The following MIXL1 variants were observed in gnomAD, a reference collection of about 807,000 sequenced individuals.
MIXL1 encodes the protein Mix paired-like homeobox, also known as homeobox protein MIXL1.
A neutral mutation model predicts 9.3 loss-of-function variants in MIXL1; 9 were observed. That is an observed-to-expected ratio of 0.97 (90% CI 0.58 to 1.69). MIXL1 has a LOEUF of 1.69. MIXL1 is among the 40% of genes most tolerant of loss of function. The pLI is 0.00. For missense variants in MIXL1, 330 were observed against 331.7 expected (o/e 0.99, Z 0.04); for synonymous variants, 164 against 155.6 (o/e 1.05, Z -0.40).
chr1:226,224,207 GA>G, intron 1 of MIXL1, 133 bp downstream of exon 1: 1 of 824,418 alleles, frequency 1.2e-6, no homozygotes, highest in Non-Finnish European at 1.6e-6. Context: ...CTGCGTACTA[GA>G]CTGAAATAGG....
In MIXL1 at chr1:226,226,255, C is replaced by T. The variant is rs948192552; in HGVS notation, c.*443C>T. ...AGTCACTCTACCCCGTCTCTTCAAC[C>T]CTCATCCTAGGTTTATTACTTTTTA... On this transcript the variant is annotated 3_prime_UTR_variant, in exon 2 of 2. Transcript: ENST00000366810. 6.4e-6 allele frequency: 1 copy of T among 157,158 alleles called. No individual in the cohort carries two copies. Among genetic ancestry groups the T allele is most frequent in the African/African-American group, 2.4e-5 (1 of 41,462 alleles). The allele number at this position is 157,158 out of a possible 1,614,324, so 9.7% of individuals were successfully genotyped here.
Position 226,224,041 on chromosome 1 carries a change from C to T in MIXL1, c.360C>T (p.Ala120=), listed in dbSNP as rs763437724. The change falls in exon 1 of 2, where the codon GCC becomes GCT. Residue 120 remains alanine (A), a synonymous_variant. Transcript: ENST00000366810. Reference sequence around the variant, plus strand: ...ACATCCACTTGCGCGAGCGCCTGGCCGCGCTCACCCTGCTCCCCGAGTCCA... The same window carrying T: ...ACATCCACTTGCGCGAGCGCCTGGCTGCGCTCACCCTGCTCCCCGAGTCCA... ...YPDIHLRERL[A]ALTLLPESRI... is the part of the protein sequence containing the mutation. 4 of 1,393,710 alleles carry T rather than the reference C, an allele frequency of 2.9e-6. No homozygotes were observed. The highest frequency in any genetic ancestry group is 2.8e-5 in the East Asian group (1 of 36,338). The allele number at this position is 1,393,710 out of a possible 1,614,324, so 86.3% of individuals were successfully genotyped here.
intron 1 of MIXL1, among the ~76,000 whole-genome samples, chr1:226,224,975 G>C (rs1394451453): frequency 3.3e-5 from 5 of 152,182 alleles, no homozygotes; most frequent in Non-Finnish European, 7.3e-5. Flanking sequence ...CTTAGAGTTG[G>C]TAAGGAGAAG....
At position 226,225,764 on chromosome 1, in the gene MIXL1, G is replaced by T. The variant is rs533426298; in HGVS notation, c.651G>T (p.Lys217Asn). 1 of 1,614,168 alleles carries T rather than the reference G, an allele frequency of 6.2e-7. No homozygotes were observed. The highest frequency in any genetic ancestry group is 1.3e-5 in the African/African-American group (1 of 75,048). ...CSPLSEDIGS[K>N]LDSWEEHIFS... ...CTCTCTCTGAAGACATTGGTTCAAAGCTGGACTCATGGGAGGAACACATCT... is the reference window on the plus strand; with the variant it reads ...CTCTCTCTGAAGACATTGGTTCAAATCTGGACTCATGGGAGGAACACATCT... Residue 217 changes from lysine (K) to asparagine (N), a missense_variant, in exon 2 of 2, where the codon AAG becomes AAT. Lys to Asn is a moderately conservative substitution (Grantham distance 94). Coordinates refer to ENST00000366810, the MANE Select transcript of MIXL1 (RefSeq NM_031944.3).
intron 1 of MIXL1, among the ~76,000 whole-genome samples, chr1:226,224,563 A>G (rs1438624661): frequency 6.6e-6 from 1 of 152,222 alleles, no homozygotes; most frequent in Non-Finnish European, 1.5e-5. Flanking sequence ...GGATGTAGCG[A>G]ATTGAGATAA....
chr1:226,223,773 C>G lies in MIXL1; in HGVS notation c.92C>G (p.Pro31Arg). The change falls in exon 1 of 2, where the codon CCG (proline) becomes CGG (arginine). Residue 31 changes from proline (P) to arginine (R), a missense_variant. Pro to Arg is a moderately radical substitution (Grantham distance 103, BLOSUM62 -2). Coordinates refer to ENST00000366810, the MANE Select transcript of MIXL1 (RefSeq NM_031944.3). The part of the protein sequence containing the change: ...RAPHAGGALL[P>R]PPSPAAALLP... ...CCCCACGCCGGCGGGGCGCTCCTGC[C>G]GCCCCCGAGCCCTGCGGCAGCCCTG... 7.2e-7 allele frequency: 1 copy of G among 1,397,470 alleles called. No homozygotes were observed. The highest frequency in any genetic ancestry group is 9.3e-7 in the Non-Finnish European group (1 of 1,078,274). 86.6% of individuals were successfully genotyped at this position (1,397,470 alleles called of 1,614,324 possible).
rs1167213809 is a variant in MIXL1 at position 226,224,071 on chromosome 1, C to G, written c.390C>G (p.Ile130Met). The change falls in exon 1 of 2, where the codon ATC (isoleucine) becomes ATG (methionine). Residue 130 changes from isoleucine (I) to methionine (M), a missense_variant. By Grantham distance (10) the Ile-to-Met change is conservative. Coordinates refer to ENST00000366810, the MANE Select transcript of MIXL1 (RefSeq NM_031944.3). ...AALTLLPESR[I>M]QVWFQNRRAK... ...TCACCCTGCTCCCCGAGTCCAGGAT[C>G]CAGGTGAGGGCCCGCTGCGTTCGCA... 1 of 1,337,270 alleles carries G rather than the reference C, an allele frequency of 7.5e-7. No homozygotes were observed. Among genetic ancestry groups the G allele is most frequent in the Non-Finnish European group, 9.7e-7 (1 of 1,034,682 alleles). 82.8% of individuals were successfully genotyped at this position (1,337,270 alleles called of 1,614,324 possible).
At position 226,225,641 on chromosome 1, in the gene MIXL1, T is replaced by C. The variant is rs773764115; in HGVS notation, c.528T>C (p.Pro176=). The C allele has an allele frequency of 2.5e-6, 4 of 1,614,182 alleles. No individual in the cohort carries two copies. In the South Asian group the frequency reaches 4.4e-5, roughly 18 times the overall value. ...TETKCLKPQL[P]LEVDVNCLPE... ...CGAAATGTCTGAAGCCCCAGCTGCC[T>C]CTTGAGGTAGATGTGAACTGCCTGC... is the stretch of plus-strand genomic sequence containing the variant. The change falls in exon 2 of 2, where the codon CCT becomes CCC. Residue 176 remains proline, a synonymous_variant. Transcript: ENST00000366810.
chr1:226,224,727 C>T (rs1250490990), intron 1 of MIXL1, among the ~76,000 whole-genome samples: 2 of 152,170 alleles, frequency 1.3e-5, no homozygotes, highest in African/African-American at 2.4e-5. Flanking sequence ...GCAACCTCCG[C>T]CTCCCAGGTT....
At position 226,223,899 on chromosome 1, in the gene MIXL1, C is replaced by T; in HGVS notation, c.218C>T (p.Pro73Leu). Reference protein sequence around the residue: ...APPPPASLGSPAPPKGAAAPS... With the variant: ...APPPPASLGSLAPPKGAAAPS... The stretch of plus-strand genomic sequence containing the variant: ...CCGCCCCCCGCCAGCCTGGGCTCGC[C>T]TGCGCCCCCCAAAGGCGCGGCCGCC... The change falls in exon 1 of 2, where the codon CCT (proline) becomes CTT (leucine). Residue 73 changes from proline to leucine, a missense_variant. Coordinates refer to ENST00000366810, the MANE Select transcript of MIXL1 (RefSeq NM_031944.3). 2 of 1,283,168 alleles carry T rather than the reference C, an allele frequency of 1.6e-6. No individual in the cohort carries two copies. Among genetic ancestry groups the T allele is most frequent in the Non-Finnish European group, 2.0e-6 (2 of 1,011,114 alleles). The allele number at this position is 1,283,168 out of a possible 1,614,324, so 79.5% of individuals were successfully genotyped here.
chr1:226,226,095 G>A lies in MIXL1; in HGVS notation c.*283G>A. ...CTGCATCCCTATGCCTTCTTGCCAG[G>A]CCTGTTTTTAGTTTTTGGACTGGTT... On this transcript the variant is annotated 3_prime_UTR_variant, in exon 2 of 2. Coordinates refer to ENST00000366810, the MANE Select transcript of MIXL1 (RefSeq NM_031944.3). The A allele has an allele frequency of 3.3e-6, 1 of 299,434 alleles. No individual in the cohort carries two copies. The highest frequency in any genetic ancestry group is 6.7e-5 in the East Asian group (1 of 14,980). 18.5% of individuals were successfully genotyped at this position (299,434 alleles called of 1,614,324 possible). A position where few individuals can be genotyped will look rare whatever the true frequency, so the allele number is the denominator to read the frequency against.
rs1657148041 is a variant in MIXL1 at position 226,225,814 on chromosome 1, G to C, written c.*2G>C. 2 of 1,604,246 alleles carry C rather than the reference G, an allele frequency of 1.2e-6. No homozygotes were observed. The highest frequency in any genetic ancestry group is 2.7e-5 in the African/African-American group (2 of 74,704). On this transcript the variant is annotated 3_prime_UTR_variant, in exon 2 of 2. Transcript: ENST00000366810. ...TTTTCTGCCTTTGGTAACTTTTGAG[G>C]ATTCTGGGAGAATTCGGGATAAGCT...
chr1:226,225,012 C>T (rs751684860), intron 1 of MIXL1, among the ~76,000 whole-genome samples: 5 of 152,136 alleles, frequency 3.3e-5, no homozygotes, highest in Non-Finnish European at 7.3e-5. Flanking sequence ...TCTGTAGCCC[C>T]GTGGTCGGTG....
In MIXL1 at chr1:226,226,109, T is replaced by C; in HGVS notation, c.*297T>C. Reference sequence around the variant, plus strand: ...CTTCTTGCCAGGCCTGTTTTTAGTTTTTGGACTGGTTGTTCAGAACTCATT... The same window carrying C: ...CTTCTTGCCAGGCCTGTTTTTAGTTCTTGGACTGGTTGTTCAGAACTCATT... On this transcript the variant is annotated 3_prime_UTR_variant, in exon 2 of 2. Coordinates refer to ENST00000366810, the MANE Select transcript of MIXL1 (RefSeq NM_031944.3). 3.6e-6 allele frequency: 1 copy of C among 278,108 alleles called. No individual in the cohort carries two copies. The allele number at this position is 278,108 out of a possible 1,614,324, so 17.2% of individuals were successfully genotyped here.
Position 226,225,802 on chromosome 1 carries a change from G to T in MIXL1, c.689G>T (p.Gly230Val), listed in dbSNP as rs778441612. ...GAGGAACACATCTTTTCTGCCTTTG[G>T]TAACTTTTGAGGATTCTGGGAGAAT... ...SWEEHIFSAF[G>V]NF The change falls in exon 2 of 2, where the codon GGT (glycine) becomes GTT (valine). Residue 230 changes from glycine to valine, a missense_variant. Coordinates refer to ENST00000366810, the MANE Select transcript of MIXL1 (RefSeq NM_031944.3). 6.2e-7 allele frequency: 1 copy of T among 1,610,260 alleles called. No homozygotes were observed. The highest frequency in any genetic ancestry group is 8.5e-7 in the Non-Finnish European group (1 of 1,177,546).
intron 1 of MIXL1, among the ~76,000 whole-genome samples, chr1:226,224,403 T>A (rs1233029554): frequency 9.2e-5 from 14 of 152,156 alleles, no homozygotes; most frequent in African/African-American, 3.4e-4. Flanking sequence ...TTTTTCTTTA[T>A]CCGGGAAGAA....
In MIXL1 at chr1:226,224,079, G is replaced by T; in HGVS notation, c.393+5G>T. 1 of 1,311,226 alleles carries T rather than the reference G, an allele frequency of 7.6e-7. No homozygotes were observed. The highest frequency in any genetic ancestry group is 2.7e-5 in the South Asian group (1 of 36,546). 81.2% of individuals were successfully genotyped at this position (1,311,226 alleles called of 1,614,324 possible). On this transcript the variant is annotated splice_donor_5th_base_variant and intron_variant, in intron 1 of 1. Coordinates refer to ENST00000366810, the MANE Select transcript of MIXL1 (RefSeq NM_031944.3). ...CTCCCCGAGTCCAGGATCCAGGTGA[G>T]GGCCCGCTGCGTTCGCAAGTGCGCG...
Sources: allele counts gnomAD v4.1 joint callset (sites outside exome capture counted in the v4.1 genomes callset), GRCh38; gene constraint gnomAD v4.1.1; transcripts MANE v1.5; gene names NCBI Gene and HGNC (gene_info 2026-07-23, HGNC 2026-07-21).